MGST2: variants seen among roughly 807,000 people sequenced by gnomAD.
MGST2 encodes the protein glutathione peroxidase MGST2.
In MGST2, 9 loss-of-function variants were observed where a neutral mutation model predicts 16.6. The observed-to-expected ratio is 0.54, with a 90% CI of 0.33 to 0.95. The LOEUF (loss-of-function observed/expected upper bound fraction) is 0.95. MGST2 is among the 40% of genes least tolerant of loss of function. The probability of loss-of-function intolerance (pLI) is 0.03; values close to 1 mark genes in which losing one functional copy is unlikely to be tolerated. For missense variants in MGST2, 159 were observed against 175.1 expected, an observed-to-expected ratio of 0.91 and a Z score of 0.52; for synonymous variants, 79 against 68.0, an observed-to-expected ratio of 1.16 and a Z score of -0.79.
At chr4:139,701,161 G>T (rs1039744817) in intron 3 of MGST2, among the ~76,000 whole-genome samples, 6 of 152,182 alleles carry the variant, frequency 3.9e-5, no homozygotes, top group African/African-American at 1.4e-4. Context: ...GGATTTCTCT[G>T]TGATAGGCTG....
At chr4:139,723,373 C>T (rs534507091) in intron 5 of MGST2, among the ~76,000 whole-genome samples, 18 of 152,294 alleles carry the variant, frequency 1.2e-4, no homozygotes, top group Admixed American at 5.2e-4. Context: ...TGCAATGGCA[C>T]GATCTTGGCT....
the MGST2 span, among the ~76,000 whole-genome samples, chr4:139,750,341 G>A: frequency 7.2e-5 from 11 of 152,274 alleles, no homozygotes; most frequent in East Asian, 1.9e-4. Context: ...AAAATCAACC[G>A]ATCAGAGGGA....
intron 1 of MGST2, among the ~76,000 whole-genome samples, chr4:139,669,947 TTTGA>T (rs759368730): frequency 6.6e-6 from 1 of 152,200 alleles, no homozygotes; most frequent in African/African-American, 2.4e-5. Context: ...TTCTCTGGAA[TTTGA>T]TTGGCCAGAG....
At position 139,704,157 on chromosome 4, in the gene MGST2, C is replaced by T. The variant is rs1727426316; in HGVS notation, c.*9C>T. 1 of 1,613,988 alleles carries T rather than the reference C, an allele frequency of 6.2e-7. No individual in the cohort carries two copies. Among genetic ancestry groups the T allele is most frequent in the East Asian group, 2.2e-5 (1 of 44,890 alleles). Reference sequence around the variant, plus strand: ...TGAGGCGGCAATTCTAACTTTTTCTCTTCCCTTTAATACTTGCAGAAGCTG... The same window carrying T: ...TGAGGCGGCAATTCTAACTTTTTCTTTTCCCTTTAATACTTGCAGAAGCTG... On this transcript the variant is annotated 3_prime_UTR_variant, in exon 5 of 5. Transcript: ENST00000265498.
chr4:139,725,848 A>C, intron 5 of MGST2: 1 of 1,611,930 alleles, frequency 6.2e-7, no homozygotes, highest in Non-Finnish European at 8.5e-7. Context: ...AGAACAACAG[A>C]ACACAAGAGG....
chr4:139,728,076 G>T (rs868840524), intron 5 of MGST2, among the ~76,000 whole-genome samples: 4 of 152,130 alleles, frequency 2.6e-5, no homozygotes, highest in African/African-American at 7.2e-5. Context: ...TTAGCCAGGC[G>T]TGATGGTGTT....
intron 5 of MGST2, among the ~76,000 whole-genome samples, chr4:139,724,250 C>G (rs1728377332): frequency 3.3e-5 from 5 of 152,202 alleles, no homozygotes; most frequent in Non-Finnish European, 7.3e-5. Flanking sequence ...TCAATGTGAT[C>G]TGTCAGTAAA....
intron 2 of MGST2, among the ~76,000 whole-genome samples, chr4:139,686,181 T>G (rs996046509): frequency 6.6e-6 from 1 of 152,184 alleles, no homozygotes; most frequent in Non-Finnish European, 1.5e-5. Flanking sequence ...GCAGGGGGCT[T>G]CCAGCTTATA....
chr4:139,737,243 T>C (rs968439343), intron 5 of MGST2, among the ~76,000 whole-genome samples: 2 of 152,176 alleles, frequency 1.3e-5, no homozygotes, highest in African/African-American at 2.4e-5. Flanking sequence ...AATGTAACAC[T>C]TATGGGGCAC....
chr4:139,665,920 C>T lies in MGST2; in HGVS notation c.-100C>T, dbSNP rs574236280. The T allele has an allele frequency of 8.3e-7, 1 of 1,211,874 alleles. No individual in the cohort carries two copies. The allele number at this position is 1,211,874 out of a possible 1,614,324, so 75.1% of individuals were successfully genotyped here. ...CTTGAATCAGCCTTTTCCCCCCACCCGGTCCCCAACTTTGTTTACCCGATA... is the reference window on the plus strand; with the variant it reads ...CTTGAATCAGCCTTTTCCCCCCACCTGGTCCCCAACTTTGTTTACCCGATA... On this transcript the variant is annotated 5_prime_UTR_variant, in exon 1 of 5. Transcript: ENST00000265498.
intron 5 of MGST2, among the ~76,000 whole-genome samples, chr4:139,729,156 C>CAAAAAA (rs4057275): frequency 3.5e-4 from 29 of 81,694 alleles, no homozygotes; most frequent in Non-Finnish European, 4.6e-4. Flanking sequence ...GGAACAAAAG[C>CAAAAAA]AAAAAAAAAA....
intron 5 of MGST2, chr4:139,730,304 C>A: frequency 1.1e-6 from 1 of 925,862 alleles, no homozygotes; most frequent in South Asian, 1.6e-5. Context: ...AAATGCTAGA[C>A]CGTGAGCATC....
chr4:139,671,093 C>T (rs958186), intron 1 of MGST2, among the ~76,000 whole-genome samples: 13 of 152,130 alleles, frequency 8.5e-5, no homozygotes, highest in East Asian at 7.7e-4. Flanking sequence ...TTGCTGCAGC[C>T]GGCTTTGTTA....
intron 5 of MGST2, among the ~76,000 whole-genome samples, chr4:139,724,715 G>T (rs1728394423): frequency 6.6e-6 from 1 of 151,788 alleles, no homozygotes; most frequent in Non-Finnish European, 1.5e-5. Flanking sequence ...AACTCCTGTG[G>T]ATAAGATTAG....
At chr4:139,693,634 G>A (rs1726747900) in intron 2 of MGST2, among the ~76,000 whole-genome samples, 1 of 152,286 alleles carries the variant, frequency 6.6e-6, no homozygotes, top group Admixed American at 6.5e-5. Context: ...TTAATGGAAA[G>A]ACAACCATCA....
downstream of MGST2, among the ~76,000 whole-genome samples, chr4:139,740,953 C>T (rs752423126): frequency 5.3e-5 from 8 of 152,142 alleles, no homozygotes; most frequent in Non-Finnish European, 1.0e-4. Flanking sequence ...TTCCAGAGGC[C>T]GTGAGAGGGA....
At chr4:139,751,693 T>C in the MGST2 span, among the ~76,000 whole-genome samples, 1 of 152,152 alleles carries the variant, frequency 6.6e-6, no homozygotes, top group Non-Finnish European at 1.5e-5. Context: ...ATGGGTGGGT[T>C]TGATGGACCC....
chr4:139,719,804 A>G, intron 5 of MGST2: 4 of 1,613,580 alleles, frequency 2.5e-6, no homozygotes, highest in Non-Finnish European at 3.4e-6. Flanking sequence ...GAATGGTCCC[A>G]ATTCTCCACT....
chr4:139,704,991 G>C (rs1335107066), downstream of MGST2, among the ~76,000 whole-genome samples: 9 of 152,146 alleles, frequency 5.9e-5, no homozygotes, highest in Non-Finnish European at 8.8e-5. Context: ...GTGTTTCCAG[G>C]CCAAAAGAGC....
Sources: gnomAD v4.1 joint callset for allele counts (sites outside exome capture counted in the v4.1 genomes callset) on GRCh38, gnomAD v4.1.1 for gene constraint, MANE v1.5 for transcripts, NCBI Gene and HGNC (gene_info 2026-07-23, HGNC 2026-07-21) for gene names.